The following PKHD1 variants were observed in gnomAD, a reference collection of about 807,000 sequenced individuals.
The protein encoded by PKHD1 is fibrocystin.
In PKHD1, 291 loss-of-function variants were observed where a neutral mutation model predicts 412.0. That is an observed-to-expected ratio of 0.71 (90% CI 0.64 to 0.78). The LOEUF (loss-of-function observed/expected upper bound fraction) is 0.78, where lower values mean the gene tolerates loss of function less well. Among genes scored for constraint, PKHD1 ranks in the 30% least tolerant of loss-of-function variants. The pLI is 0.00. For missense variants in PKHD1, 4,825 were observed against 4,950.7 expected, an observed-to-expected ratio of 0.97 and a Z score of 0.76; for synonymous variants, 1,777 against 1,821.5, an observed-to-expected ratio of 0.98 and a Z score of 0.62.
At chr6:52,052,227 G>A in intron 21 of PKHD1, among the ~76,000 whole-genome samples, 1 of 152,196 alleles carries the variant, frequency 6.6e-6, no homozygotes, top group African/African-American at 2.4e-5. Flanking sequence ...GACAGAGAAG[G>A]AAACATGAGC....
intron 43 of PKHD1, among the ~76,000 whole-genome samples, chr6:51,900,697 T>A (rs1405857527): frequency 6.6e-6 from 1 of 151,536 alleles, no homozygotes; most frequent in Non-Finnish European, 1.5e-5. Flanking sequence ...AAAGAGCTTC[T>A]GCACAGCAAA....
At chr6:51,746,041 T>C (rs1015804593) in intron 59 of PKHD1, among the ~76,000 whole-genome samples, 2 of 152,142 alleles carry the variant, frequency 1.3e-5, no homozygotes, top group African/African-American at 4.8e-5. Context: ...CCCAGTGTTG[T>C]GGGAAAGAAA....
chr6:51,657,175 G>A (rs566576589), intron 61 of PKHD1, among the ~76,000 whole-genome samples: 3 of 151,512 alleles, frequency 2.0e-5, no homozygotes, highest in East Asian at 3.9e-4. Flanking sequence ...CTGGCTTAAG[G>A]TCAGTTCATG....
intron 37 of PKHD1, among the ~76,000 whole-genome samples, chr6:51,930,820 C>G (rs1038910543): frequency 1.3e-5 from 2 of 152,110 alleles, no homozygotes; most frequent in Admixed American, 1.3e-4. Flanking sequence ...TGGTGGTTAT[C>G]CACAGCTGGG....
At position 51,746,736 on chromosome 6, in the gene PKHD1, G is replaced by C. The variant is rs1785239121; in HGVS notation, c.9983C>G (p.Pro3328Arg). 6.2e-7 allele frequency: 1 copy of C among 1,606,304 alleles called. No individual in the cohort carries two copies. The highest frequency in any genetic ancestry group is 8.5e-7 in the Non-Finnish European group (1 of 1,173,166). The change falls in exon 59 of 67, where the codon CCT (proline) becomes CGT (arginine). Residue 3328 changes from proline to arginine, a missense_variant. By Grantham distance (103) the Pro-to-Arg change is moderately radical. Coordinates refer to ENST00000371117, the MANE Select transcript of PKHD1 (RefSeq NM_138694.4). ...KIKDKNKFYF[P>R]SLQPRKDLGK... is the part of the protein sequence containing the mutation. ...AAAATTATACCTGGGTTGTAATGAA[G>C]GAAAGTAGAACTTGTTTTTATCTTT...
In PKHD1 at chr6:51,739,661, G is replaced by C. The variant is rs112218085; in HGVS notation, c.10156+4724C>G. On this transcript the variant is annotated intron_variant, in intron 60 of 66. Coordinates refer to ENST00000371117, the MANE Select transcript of PKHD1 (RefSeq NM_138694.4). ...CTCATTGCTATAGTTTCCATGCTTA[G>C]AGACGCTCTGGTAGACAGAAAGTAG... is the stretch of plus-strand genomic sequence containing the variant. Among the ~76,000 whole-genome samples the C allele has an allele frequency of 8.4e-3, 1,281 of 152,310 alleles. 23 individuals carry two copies. Among genetic ancestry groups the C allele is most frequent in the African/African-American group, 0.029 (1,215 of 41,566 alleles).
chr6:51,898,467 G>C (rs561387742), intron 43 of PKHD1, among the ~76,000 whole-genome samples: 64 of 139,722 alleles, frequency 4.6e-4, no homozygotes, highest in East Asian at 1.1e-3. Context: ...TGAAACCAAC[G>C]AGAACAAAGA....
chr6:51,994,427 G>A (rs1797468122), intron 35 of PKHD1, among the ~76,000 whole-genome samples: 2 of 152,294 alleles, frequency 1.3e-5, no homozygotes, highest in South Asian at 2.1e-4. Context: ...GAGCCACCAC[G>A]CCCAGCCCAG....
chr6:51,993,864 A>G (rs567586616), intron 35 of PKHD1, among the ~76,000 whole-genome samples: 65 of 152,350 alleles, frequency 4.3e-4, no homozygotes, highest in African/African-American at 1.5e-3. Context: ...GAGGTAAGAC[A>G]GAATCAGACA....
At chr6:51,694,453 G>A (rs562423360) in intron 60 of PKHD1, among the ~76,000 whole-genome samples, 19 of 150,278 alleles carry the variant, frequency 1.3e-4, no homozygotes, top group Admixed American at 1.0e-3. Flanking sequence ...GCGTGATCTC[G>A]GCTCACTGCA....
intron 35 of PKHD1, among the ~76,000 whole-genome samples, chr6:52,004,479 T>C (rs1338012939): frequency 6.6e-6 from 1 of 152,206 alleles, no homozygotes; most frequent in African/African-American, 2.4e-5. Flanking sequence ...CTATCATCCA[T>C]AGGTCTGTTT....
chr6:51,935,203 T>A (rs534287679), intron 36 of PKHD1, among the ~76,000 whole-genome samples: 1 of 152,344 alleles, frequency 6.6e-6, no homozygotes, highest in Non-Finnish European at 1.5e-5. Flanking sequence ...GGCAACCAGA[T>A]AACCTTAACT....
chr6:52,041,236 G>A (rs572969230), intron 27 of PKHD1, among the ~76,000 whole-genome samples: 2 of 152,322 alleles, frequency 1.3e-5, no homozygotes, highest in East Asian at 3.9e-4. Context: ...ATTTCTTGCT[G>A]ATAGGCCCCA....
At chr6:51,896,007 G>A (rs9367467) in intron 43 of PKHD1, among the ~76,000 whole-genome samples, 51,564 of 151,700 alleles carry the variant, frequency 0.34, 9,649 homozygotes, top group East Asian at 0.73. Context: ...CACCTGGCTC[G>A]GAGGGTCCTA....
chr6:51,987,907 AC>A (rs1394268797), intron 35 of PKHD1, among the ~76,000 whole-genome samples: 4 of 152,066 alleles, frequency 2.6e-5, no homozygotes, highest in African/African-American at 9.7e-5. Flanking sequence ...TCACTCTGTG[AC>A]CTTTGGTAGT....
chr6:52,025,506 C>G lies in PKHD1; in HGVS notation c.4304G>C (p.Ser1435Thr), dbSNP rs138242579. The G allele has an allele frequency of 1.5e-4, 236 of 1,613,772 alleles. 1 individual carries two copies. The Middle Eastern group carries it at 2.8e-3, about 19-fold the overall frequency. The change falls in exon 32 of 67, where the codon AGT (serine) becomes ACT (threonine). Residue 1435 changes from serine to threonine, a missense_variant. Ser to Thr is a moderately conservative substitution (Grantham distance 58). Transcript: ENST00000371117. ...LSGPFTCVIL[S>T]LGDHTILCQV... ...GCAGAGAATGGTGTGGTCTCCCAAA[C>G]TCAAAATCACACAAGTAAAAGGACC...
Position 51,753,368 on chromosome 6 carries a change from G to A in PKHD1, c.8798-15C>T. 1 of 1,609,500 alleles carries A rather than the reference G, an allele frequency of 6.2e-7. No individual in the cohort carries two copies. The highest frequency in any genetic ancestry group is 8.5e-7 in the Non-Finnish European group (1 of 1,177,664). ...ATGTACACTTCCTGGGGCAATAGGA[G>A]TTGTGGGAAAAAAAAACTTTAAAAA... On this transcript the variant is annotated splice_polypyrimidine_tract_variant and intron_variant, in intron 56 of 66. Coordinates refer to ENST00000371117, the MANE Select transcript of PKHD1 (RefSeq NM_138694.4).
chr6:51,767,057 A>G (rs889239969), intron 55 of PKHD1, among the ~76,000 whole-genome samples: 2 of 152,098 alleles, frequency 1.3e-5, no homozygotes, highest in African/African-American at 4.8e-5. Flanking sequence ...ATCTAATTTT[A>G]TATTTTTCTA....
chr6:52,062,966 AAGG>A (rs1347532273), intron 13 of PKHD1, among the ~76,000 whole-genome samples: 26 of 152,290 alleles, frequency 1.7e-4, no homozygotes, highest in African/African-American at 4.6e-4. Context: ...GGCTGAGTAA[AAGG>A]AGGACAATGT....
Sources: allele counts gnomAD v4.1 joint callset (sites outside exome capture counted in the v4.1 genomes callset), GRCh38; gene constraint gnomAD v4.1.1; transcripts MANE v1.5; gene names NCBI Gene and HGNC (gene_info 2026-07-23, HGNC 2026-07-21).